MYO15A: variants seen among roughly 807,000 people sequenced by gnomAD.
MYO15A encodes myosin XVA.
MYO15A carries 308 observed loss-of-function variants against 394.6 expected under a neutral mutation model. That is an observed-to-expected ratio of 0.78 (90% CI 0.71 to 0.86). MYO15A has a LOEUF of 0.86. Among genes scored for constraint, MYO15A ranks in the 40% least tolerant of loss-of-function variants. The pLI is 0.00. For synonymous variants in MYO15A, 1,957 were observed against 2,003.8 expected, an observed-to-expected ratio of 0.98 and a Z score of 0.62; for missense variants, 4,606 against 4,799.1, an observed-to-expected ratio of 0.96 and a Z score of 1.19.
intron 1 of MYO15A, among the ~76,000 whole-genome samples, chr17:18,114,401 G>A (rs530091391): frequency 4.6e-5 from 7 of 151,988 alleles, no homozygotes; most frequent in South Asian, 2.1e-4. Flanking sequence ...ACAGGCATGC[G>A]CCACCACGCC....
intron 17 of MYO15A, 61 bp downstream of exon 17, chr17:18,138,307 A>G: frequency 6.3e-7 from 1 of 1,579,798 alleles, no homozygotes; most frequent in Non-Finnish European, 8.6e-7. Flanking sequence ...TCATGTCCTC[A>G]TCCCACCCTG....
At chr17:18,170,401 C>T (rs545991801) in intron 62 of MYO15A, among the ~76,000 whole-genome samples, 3 of 151,464 alleles carry the variant, frequency 2.0e-5, no homozygotes, top group South Asian at 4.2e-4. Flanking sequence ...CTCTGTCACC[C>T]AGACTGGAGT....
chr17:18,119,826 C>A lies in MYO15A; in HGVS notation c.1026C>A (p.Tyr342Ter), dbSNP rs368278295. Residue 342 changes from tyrosine (Y) to a stop codon, truncating the protein, a stop_gained, in exon 2 of 66, where the codon TAC becomes TAA. Transcript: ENST00000647165. LOFTEE classifies it high-confidence loss of function. ...YEGEAHPYGY[Y>*]LDPYAPYDAP... ...GCGAGGCGCACCCTTATGGCTACTA[C>A]CTGGATCCCTATGCGCCGTACGACG... The A allele has an allele frequency of 6.2e-7, 1 of 1,613,052 alleles. No homozygotes were observed. The highest frequency in any genetic ancestry group is 8.5e-7 in the Non-Finnish European group (1 of 1,180,000).
In MYO15A at chr17:18,121,794, T is replaced by A; in HGVS notation, c.2994T>A (p.Pro998=). 6.2e-7 allele frequency: 1 copy of A among 1,612,640 alleles called. No homozygotes were observed. Among genetic ancestry groups the A allele is most frequent in the Non-Finnish European group, 8.5e-7 (1 of 1,179,870 alleles). ...TGGGCAGACACCATGAGCCGGGGCC[T>A]GGACAGCTCACCAAATCAGCTGGCC... ...VFLGRHHEPG[P]GQLTKSAGPT... Residue 998 remains proline (P), a synonymous_variant, in exon 2 of 66, where the codon CCT becomes CCA. Transcript: ENST00000647165. This position sits in a 1 kb window ranked among gnomAD's most constrained non-coding sequence, Gnocchi z 5.3.
At chr17:18,162,351 G>C (rs900515927) in intron 57 of MYO15A, among the ~76,000 whole-genome samples, 1 of 152,288 alleles carries the variant, frequency 6.6e-6, no homozygotes, top group East Asian at 1.9e-4. Flanking sequence ...TAGATAAAAG[G>C]TCCTTAGCCA....
rs1176613857 is a variant in MYO15A, at chr17:18,159,980, G to C, written c.9349G>C (p.Val3117Leu). The change falls in exon 56 of 66, where the codon GTT (valine) becomes CTT (leucine). Residue 3117 changes from valine (V) to leucine (L), a missense_variant. Transcript: ENST00000647165. ...CATGCGGGATGAATGTTACTGCCAA[G>C]TTGTGAAGCAGATCACAGACAATAC... ...EVMRDECYCQ[V>L]VKQITDNTSS... is the part of the protein sequence containing the mutation. 2 of 1,613,844 alleles carry C rather than the reference G, an allele frequency of 1.2e-6. No homozygotes were observed. Among genetic ancestry groups the C allele is most frequent in the Admixed American group, 3.3e-5 (2 of 60,026 alleles).
Position 18,154,181 on chromosome 17 carries a change from G to A in MYO15A, c.8139G>A (p.Leu2713=). The part of the protein sequence containing the change: ...SYSHPVQLDL[L]FRQILHDTLS... ...GCCATCCTGTGCAGCTTGACCTCCT[G>A]TTCCGGCAGGTGAGGTCCTGTCTCC... The change falls in exon 44 of 66, where the codon CTG becomes CTA. Residue 2713 remains leucine (L), a synonymous_variant. Transcript: ENST00000647165. 2 of 1,614,056 alleles carry A rather than the reference G, an allele frequency of 1.2e-6. No homozygotes were observed. The highest frequency in any genetic ancestry group is 1.7e-6 in the Non-Finnish European group (2 of 1,180,046).
intron 7 of MYO15A, among the ~76,000 whole-genome samples, chr17:18,129,862 G>A (rs2046119994): frequency 6.6e-6 from 1 of 152,072 alleles, no homozygotes. Flanking sequence ...CCGTGAGATG[G>A]TATTCCTTTT....
chr17:18,112,753 A>G (rs941084328), intron 1 of MYO15A, among the ~76,000 whole-genome samples: 10 of 152,146 alleles, frequency 6.6e-5, no homozygotes, highest in African/African-American at 2.4e-4. Flanking sequence ...TTTTTGACTC[A>G]GAAATGCATT....
At position 18,173,821 on chromosome 17, in the gene MYO15A, C is replaced by G. The variant is rs758295047; in HGVS notation, c.10391C>G (p.Thr3464Arg). The G allele has an allele frequency of 1.2e-6, 2 of 1,614,036 alleles. No homozygotes were observed. Among genetic ancestry groups the G allele is most frequent in the Non-Finnish European group, 1.7e-6 (2 of 1,180,044 alleles). Residue 3464 changes from threonine (T) to arginine (R), a missense_variant, in exon 65 of 66, where the codon ACG becomes AGG. Physicochemically the swap from Thr to Arg is moderately conservative, Grantham distance 71. Around this residue, in one of 2 missense-constraint regions of MYO15A, gnomAD observed 2,776 missense variants for 3,109.3 expected, o/e 0.89. Coordinates refer to ENST00000647165, the MANE Select transcript of MYO15A (RefSeq NM_016239.4). ...TTCCCCCTGAAGGAGATCCAGTCGACGCGGACCCAGCGGCCCACGGCCAAC... is the reference window on the plus strand; with the variant it reads ...TTCCCCCTGAAGGAGATCCAGTCGAGGCGGACCCAGCGGCCCACGGCCAAC... ...VKFPLKEIQS[T>R]RTQRPTANSS... is the part of the protein sequence containing the mutation.
rs1236735016 is a variant in MYO15A, at chr17:18,173,818, C to T, written c.10388C>T (p.Ser3463Leu). 14 of 1,613,874 alleles carry T rather than the reference C, an allele frequency of 8.7e-6. No individual in the cohort carries two copies. Among genetic ancestry groups the T allele is most frequent in the Admixed American group, 1.7e-5 (1 of 60,010 alleles). The change falls in exon 65 of 66, where the codon TCG becomes TTG. Residue 3463 changes from serine to leucine, a missense_variant. Transcript: ENST00000647165. ...MVKFPLKEIQ[S>L]TRTQRPTANS... ...AAGTTCCCCCTGAAGGAGATCCAGT[C>T]GACGCGGACCCAGCGGCCCACGGCC...
chr17:18,144,450 C>T, intron 28 of MYO15A, 47 bp from the exon 29 acceptor site: 2 of 1,445,252 alleles, frequency 1.4e-6, no homozygotes, highest in Non-Finnish European at 1.9e-6. Context: ...TCCAGATGTG[C>T]CTGTCAGTCC....
chr17:18,148,598 C>CT lies in MYO15A; in HGVS notation c.6764+31dup, dbSNP rs1206117021. The CT allele has an allele frequency of 1.4e-5, 22 of 1,550,474 alleles. No individual in the cohort carries two copies. The highest frequency in any genetic ancestry group is 1.9e-5 in the Non-Finnish European group (22 of 1,146,418). ...GCTCCTAGGATGCCCTCCCAGCACACTCTTATGTACCTGGAATGTTGTGGG... is the reference window on the plus strand; with the variant it reads ...GCTCCTAGGATGCCCTCCCAGCACACTTCTTATGTACCTGGAATGTTGTGGG... On this transcript the variant is annotated intron_variant, in intron 32 of 65. Coordinates refer to ENST00000647165, the MANE Select transcript of MYO15A (RefSeq NM_016239.4). The surrounding 1 kb of genome is among the most constrained non-coding windows in gnomAD (Gnocchi z 4.8).
chr17:18,120,472 G>T lies in MYO15A; in HGVS notation c.1672G>T (p.Gly558Cys). The T allele has an allele frequency of 6.3e-7, 1 of 1,574,866 alleles. No individual in the cohort carries two copies. Among genetic ancestry groups the T allele is most frequent in the Non-Finnish European group, 8.6e-7 (1 of 1,164,016 alleles). Residue 558 changes from glycine (G) to cysteine (C), a missense_variant, in exon 2 of 66, where the codon GGC (glycine) becomes TGC (cysteine). Coordinates refer to ENST00000647165, the MANE Select transcript of MYO15A (RefSeq NM_016239.4). ...AFGAHRGLGF[G>C]PEFGRPVPRP... is the part of the protein sequence containing the mutation. ...CGGCGCCCACCGGGGCCTGGGCTTCGGCCCTGAGTTTGGCCGCCCCGTGCC... is the reference window on the plus strand; with the variant it reads ...CGGCGCCCACCGGGGCCTGGGCTTCTGCCCTGAGTTTGGCCGCCCCGTGCC...
chr17:18,142,996 G>A (rs2046409365), intron 25 of MYO15A, among the ~76,000 whole-genome samples, 156 bp downstream of exon 25: 1 of 152,142 alleles, frequency 6.6e-6, no homozygotes, highest in Non-Finnish European at 1.5e-5. Context: ...GTCTATCCTC[G>A]ATTTTCCCAT....
chr17:18,155,548 C>A, intron 47 of MYO15A, 116 bp downstream of exon 47: 1 of 1,030,702 alleles, frequency 9.7e-7, no homozygotes, highest in Non-Finnish European at 1.5e-6. Flanking sequence ...GGCTCTGTGC[C>A]AAGCCATTGA....
At position 18,141,864 on chromosome 17, in the gene MYO15A, C is replaced by A. The variant is rs950309359; in HGVS notation, c.5649+94C>A. On this transcript the variant is annotated intron_variant, in intron 23 of 65. Coordinates refer to ENST00000647165, the MANE Select transcript of MYO15A (RefSeq NM_016239.4). The stretch of plus-strand genomic sequence containing the variant: ...AAATGTCCAAGCTAGAGACTGCCAT[C>A]CCAGGAGCAACCCAGATGAGCTTGG... 4.2e-5 allele frequency: 58 copies of A among 1,382,012 alleles called. No homozygotes were observed. In the African/African-American group the frequency reaches 8.1e-4, roughly 19 times the overall value. 85.6% of individuals were successfully genotyped at this position (1,382,012 alleles called of 1,614,324 possible).
At position 18,148,954 on chromosome 17, in the gene MYO15A, TAGGTAGCTATGGGGGACCCCCTCAC is replaced by T. The variant is rs1210321382; in HGVS notation, c.6956+5_6956+29del. ...AGCCAGCAGGGGAGGCCCCAAAGTG[TAGGTAGCTATGGGGGACCCCCTCAC>T]AGATGGCCACTCCCAGGCAGAAGGC... On this transcript the variant is annotated splice_donor_5th_base_variant and intron_variant, in intron 33 of 65. Transcript: ENST00000647165. This position sits in a 1 kb window ranked among gnomAD's most constrained non-coding sequence, Gnocchi z 4.8. 6.3e-7 allele frequency: 1 copy of T among 1,587,642 alleles called. No homozygotes were observed. Among genetic ancestry groups the T allele is most frequent in the Admixed American group, 1.8e-5 (1 of 56,348 alleles).
Position 18,118,640 on chromosome 17 carries a change from G to T in MYO15A, c.-161G>T. On this transcript the variant is annotated 5_prime_UTR_variant, in exon 2 of 66. Coordinates refer to ENST00000647165, the MANE Select transcript of MYO15A (RefSeq NM_016239.4). ...TATGGATCCGCCCTCCCGGAATCCT[G>T]GCTCGGCCCTCCCCACGCCACCCAG... The T allele has an allele frequency of 9.4e-7, 1 of 1,061,780 alleles. No homozygotes were observed. The allele number at this position is 1,061,780 out of a possible 1,614,324, so 65.8% of individuals were successfully genotyped here. A position where few individuals can be genotyped will look rare whatever the true frequency, so the allele number is the denominator to read the frequency against.
Sources: gnomAD v4.1 joint callset for allele counts (sites outside exome capture counted in the v4.1 genomes callset) on GRCh38, gnomAD v4.1.1 for gene constraint, gnomAD v4.1.1 regional missense constraint, Gnocchi (gnomAD v3.1) non-coding constraint, MANE v1.5 for transcripts, NCBI Gene and HGNC (gene_info 2026-07-23, HGNC 2026-07-21) for gene names.